Variants in ANXA8 observed in about 807,000 individuals in gnomAD.
ANXA8 encodes VAC-beta.
ANXA8 carries 9 observed loss-of-function variants against 26.8 expected under a neutral mutation model. That is an observed-to-expected ratio of 0.34 (90% CI 0.20 to 0.59). ANXA8 has a LOEUF of 0.59. Ranked by LOEUF, ANXA8 falls within the 20% of genes least tolerant of loss-of-function variation. The probability of loss-of-function intolerance (pLI) is 0.84; values close to 1 mark genes in which losing one functional copy is unlikely to be tolerated. For synonymous variants in ANXA8, 39 were observed against 94.8 expected, an observed-to-expected ratio of 0.41 and a Z score of 3.42; for missense variants, 83 against 238.5, an observed-to-expected ratio of 0.35 and a Z score of 4.29.
the ANXA8 span, among the ~76,000 whole-genome samples, chr10:47,695,569 G>A: frequency 6.6e-6 from 1 of 151,680 alleles, no homozygotes; most frequent in Non-Finnish European, 1.5e-5. Flanking sequence ...GGCAGTTGTA[G>A]ATAAAAGGTT....
chr10:47,558,169 G>T, the ANXA8 span, among the ~76,000 whole-genome samples: 2 of 151,990 alleles, frequency 1.3e-5, no homozygotes, highest in African/African-American at 4.8e-5. Flanking sequence ...TAGAAGGAAT[G>T]ATTTAAAAGT....
At chr10:47,514,223 G>A in the ANXA8 span, among the ~76,000 whole-genome samples, 40 of 148,046 alleles carry the variant, frequency 2.7e-4, 3 homozygotes, top group African/African-American at 6.4e-4. Flanking sequence ...GTCAATGAGC[G>A]GATAAAGAAA....
At chr10:47,985,307 C>G in the ANXA8 span, among the ~76,000 whole-genome samples, 11 of 141,990 alleles carry the variant, frequency 7.7e-5, no homozygotes, top group African/African-American at 1.1e-4. Flanking sequence ...AATGATAAAA[C>G]CAAATGCTAG....
the ANXA8 span, chr10:47,706,818 G>C: frequency 2.0e-6 from 2 of 978,730 alleles, no homozygotes; most frequent in Non-Finnish European, 3.1e-6. Context: ...CAAACTGCCC[G>C]TTCTCCTTGA....
At chr10:47,502,867 C>T in the ANXA8 span, 1 of 1,604,540 alleles carries the variant, frequency 6.2e-7, no homozygotes. Context: ...TTCAAAGTGC[C>T]ACGTTTGGCC....
the ANXA8 span, among the ~76,000 whole-genome samples, chr10:47,982,833 T>TATATAA: frequency 2.8e-5 from 2 of 71,128 alleles, no homozygotes; most frequent in African/African-American, 9.8e-5. Context: ...TATATATATA[T>TATATAA]AAAATTTGAT....
At chr10:47,663,516 G>A in the ANXA8 span, among the ~76,000 whole-genome samples, 1 of 134,114 alleles carries the variant, frequency 7.5e-6, no homozygotes, top group Non-Finnish European at 1.5e-5. Flanking sequence ...CTCCTGAGTA[G>A]CTGAAACTAC....
the ANXA8 span, among the ~76,000 whole-genome samples, chr10:47,767,719 T>C: frequency 3.3e-5 from 5 of 151,644 alleles, 1 homozygote; most frequent in Non-Finnish European, 5.9e-5. Flanking sequence ...CCTGCCCCCG[T>C]GAGAGGCTAA....
At chr10:47,949,271 T>A in the ANXA8 span, among the ~76,000 whole-genome samples, 1 of 147,784 alleles carries the variant, frequency 6.8e-6, no homozygotes, top group Non-Finnish European at 1.5e-5. Flanking sequence ...TATTTCCAAT[T>A]GTAAAGAGAG....
chr10:47,988,439 C>A, the ANXA8 span, among the ~76,000 whole-genome samples: 3 of 78,080 alleles, frequency 3.8e-5, 1 homozygote, highest in African/African-American at 8.5e-5. Context: ...CATGCCAAGT[C>A]CAACACACTA....
At chr10:47,488,555 T>G (rs1430446683), upstream of ANXA8, among the ~76,000 whole-genome samples, 1 of 151,260 alleles carries the variant, frequency 6.6e-6, no homozygotes, top group Non-Finnish European at 1.5e-5. Flanking sequence ...GTTTATCTCC[T>G]AGTAAGTTAA....
the ANXA8 span, among the ~76,000 whole-genome samples, chr10:47,698,837 T>C: frequency 6.6e-6 from 1 of 151,712 alleles, no homozygotes. Flanking sequence ...TCAAAAAAAA[T>C]TTTTTTCTTA....
the ANXA8 span, among the ~76,000 whole-genome samples, chr10:47,705,954 G>T: frequency 7.3e-5 from 11 of 150,764 alleles, no homozygotes; most frequent in Non-Finnish European, 1.6e-4. Flanking sequence ...GGCGGGCCAC[G>T]GCGCGAAGAG....
the ANXA8 span, among the ~76,000 whole-genome samples, chr10:47,572,471 T>C: frequency 4.6e-5 from 7 of 150,744 alleles, no homozygotes; most frequent in African/African-American, 1.7e-4. Flanking sequence ...ATCCTAGCAC[T>C]TTGGGAGGCC....
chr10:47,647,469 G>A, the ANXA8 span, among the ~76,000 whole-genome samples: 36 of 150,184 alleles, frequency 2.4e-4, no homozygotes, highest in African/African-American at 7.9e-4. Context: ...AACATATTCC[G>A]AGATTAAAAA....
chr10:47,762,122 C>A, the ANXA8 span, among the ~76,000 whole-genome samples: 1 of 142,872 alleles, frequency 7.0e-6, no homozygotes, highest in African/African-American at 2.6e-5. Flanking sequence ...CTGGAACCTG[C>A]TGCAAGGCTG....
At chr10:47,683,438 C>T in the ANXA8 span, among the ~76,000 whole-genome samples, 5 of 151,956 alleles carry the variant, frequency 3.3e-5, no homozygotes, top group South Asian at 1.0e-3. Context: ...CCCTTTTAGC[C>T]AGGATGGCCT....
the ANXA8 span, among the ~76,000 whole-genome samples, chr10:47,636,850 T>A: frequency 1.3e-5 from 2 of 150,974 alleles, no homozygotes; most frequent in Non-Finnish European, 3.0e-5. Context: ...GGCCTTCATT[T>A]GCTCATTCAC....
At chr10:47,688,391 C>T in the ANXA8 span, among the ~76,000 whole-genome samples, 7 of 147,464 alleles carry the variant, frequency 4.7e-5, no homozygotes, top group East Asian at 2.0e-4. Flanking sequence ...CTGGGATTAC[C>T]GGTGTGAGCC....
Sources: gnomAD v4.1 joint callset for allele counts (sites outside exome capture counted in the v4.1 genomes callset) on GRCh38, gnomAD v4.1.1 for gene constraint, MANE v1.5 for transcripts, NCBI Gene and HGNC (gene_info 2026-07-23, HGNC 2026-07-21) for gene names.